The following KLF7 variants were observed in gnomAD, a reference collection of about 807,000 sequenced individuals.
The protein encoded by KLF7 is Krueppel-like factor 7.
In KLF7, 2 loss-of-function variants were observed where a neutral mutation model predicts 27.3. That is an observed-to-expected ratio of 0.07 (90% CI 0.03 to 0.23). The LOEUF (loss-of-function observed/expected upper bound fraction) is 0.23, where lower values mean the gene tolerates loss of function less well. KLF7 is among the 10% of genes least tolerant of loss of function. The pLI is 1.00. For synonymous variants in KLF7, 165 were observed against 162.4 expected (o/e 1.02, Z -0.12); for missense variants, 221 against 394.1 (o/e 0.56, Z 3.72).
At chr2:207,168,661 C>T (rs555235894), upstream of KLF7, among the ~76,000 whole-genome samples, 108 of 152,298 alleles carry the variant, frequency 7.1e-4, no homozygotes, top group African/African-American at 2.5e-3. Context: ...AAGGACTCAA[C>T]CAAAATTTTA....
At chr2:207,123,116 C>T (rs933039928) in intron 2 of KLF7, among the ~76,000 whole-genome samples, 1 of 152,116 alleles carries the variant, frequency 6.6e-6, no homozygotes, top group Non-Finnish European at 1.5e-5. Context: ...AATACACAAT[C>T]CCCATCCCTC....
chr2:207,096,576 C>A (rs1228343507), intron 2 of KLF7, among the ~76,000 whole-genome samples: 3 of 152,180 alleles, frequency 2.0e-5, no homozygotes, highest in Non-Finnish European at 4.4e-5. Flanking sequence ...TACCAAGGCC[C>A]TGGGAGCAGA....
At chr2:207,084,828 G>C (rs1009241216) in intron 3 of KLF7, among the ~76,000 whole-genome samples, 4 of 151,984 alleles carry the variant, frequency 2.6e-5, no homozygotes. Context: ...GTACATAATG[G>C]AGAACTAGTC....
At chr2:207,097,769 G>A (rs1309244461) in intron 2 of KLF7, among the ~76,000 whole-genome samples, 3 of 152,190 alleles carry the variant, frequency 2.0e-5, no homozygotes, top group Non-Finnish European at 2.9e-5. Context: ...TTTTTGTAAT[G>A]TGTAATTTGT....
At chr2:207,091,663 T>C (rs564702849) in intron 2 of KLF7, among the ~76,000 whole-genome samples, 3 of 152,324 alleles carry the variant, frequency 2.0e-5, no homozygotes, top group Non-Finnish European at 2.9e-5. Context: ...AGAAAAAATA[T>C]ATATAAAGAA....
At position 207,079,014 on chromosome 2, in the gene KLF7, GCGTGTGTGTTAA is replaced by G. The variant is rs2076222372; in HGVS notation, c.*2187_*2198del. The G allele has an allele frequency of 6.6e-6, 1 of 151,974 alleles. No individual in the cohort carries two copies. The highest frequency in any genetic ancestry group is 6.6e-5 in the Admixed American group (1 of 15,246). 9.4% of individuals were successfully genotyped at this position (151,974 alleles called of 1,614,324 possible). ...ATGGACAGATTTTGTGTGTGTGTGC[GCGTGTGTGTTAA>G]CGGGTGTTCTTTCTTTTTTTTTCGT... On this transcript the variant is annotated 3_prime_UTR_variant, in exon 4 of 4. Coordinates refer to ENST00000309446, the MANE Select transcript of KLF7 (RefSeq NM_003709.4).
At chr2:207,110,619 G>A in intron 2 of KLF7, among the ~76,000 whole-genome samples, 1 of 152,210 alleles carries the variant, frequency 6.6e-6, no homozygotes. Context: ...TGCAAAAGGG[G>A]AGGGCATGAG....
At chr2:207,137,015 G>A (rs949908414) in intron 1 of KLF7, among the ~76,000 whole-genome samples, 36 of 152,138 alleles carry the variant, frequency 2.4e-4, no homozygotes, top group African/African-American at 8.7e-4. Context: ...TAGACACAAA[G>A]AGGGCTTTTC....
At chr2:207,135,811 T>C (rs2077768666) in intron 1 of KLF7, among the ~76,000 whole-genome samples, 1 of 152,002 alleles carries the variant, frequency 6.6e-6, no homozygotes, top group African/African-American at 2.4e-5. Flanking sequence ...TCTAACGTTT[T>C]TCATTTGGAA....
intron 1 of KLF7, among the ~76,000 whole-genome samples, chr2:207,147,904 C>T (rs976531338): frequency 7.9e-5 from 12 of 152,140 alleles, no homozygotes; most frequent in African/African-American, 2.9e-4. Flanking sequence ...GTTTGATTTT[C>T]TTTAAAAGAC....
chr2:207,108,199 A>T (rs994501873), intron 2 of KLF7, among the ~76,000 whole-genome samples: 2 of 152,212 alleles, frequency 1.3e-5, no homozygotes, highest in East Asian at 3.8e-4. Flanking sequence ...AAAAACAAAA[A>T]TAAAAACAAA....
chr2:207,167,242 C>A (rs2078742520), upstream of KLF7: 8 of 1,070,792 alleles, frequency 7.5e-6, no homozygotes, highest in Admixed American at 3.2e-4. Context: ...AGATCTGTTA[C>A]ATCTGAGATG....
chr2:207,165,672 C>A lies in KLF7; in HGVS notation c.-104G>T. ...GCTCACCCCCCAAGAAGGCAGACAT[C>A]CAGTGGCCCTTTTGTTTTGTTTTGT... is the stretch of plus-strand genomic sequence containing the variant. On this transcript the variant is annotated 5_prime_UTR_variant, in exon 1 of 4. Transcript: ENST00000309446. 1 of 1,559,472 alleles carries A rather than the reference C, an allele frequency of 6.4e-7. No homozygotes were observed. Among genetic ancestry groups the A allele is most frequent in the Non-Finnish European group, 8.7e-7 (1 of 1,155,558 alleles).
chr2:207,102,842 T>C (rs1205720077), intron 2 of KLF7, among the ~76,000 whole-genome samples: 1 of 152,184 alleles, frequency 6.6e-6, no homozygotes, highest in Non-Finnish European at 1.5e-5. Flanking sequence ...GTATTTCCAA[T>C]CTCCTTTGCA....
At chr2:207,153,687 T>C (rs903709248) in intron 1 of KLF7, among the ~76,000 whole-genome samples, 1 of 151,480 alleles carries the variant, frequency 6.6e-6, no homozygotes, top group East Asian at 1.9e-4. Context: ...ATATATCAAG[T>C]AGTGGAAAAT....
intron 2 of KLF7, among the ~76,000 whole-genome samples, chr2:207,112,655 C>G (rs935199866): frequency 6.6e-6 from 1 of 152,228 alleles, no homozygotes; most frequent in African/African-American, 2.4e-5. Flanking sequence ...TTTACATACA[C>G]TTTCTCAACC....
At chr2:207,166,854 A>G (rs752971634), upstream of KLF7, 1 of 1,052,448 alleles carries the variant, frequency 9.5e-7, no homozygotes, top group South Asian at 4.5e-5. Context: ...AGTGCCACAC[A>G]ATGGGAGAGA....
rs1425278449 is a variant in KLF7, at chr2:207,077,635, T to C, written c.*3578A>G. On this transcript the variant is annotated 3_prime_UTR_variant, in exon 4 of 4. Transcript: ENST00000309446. ...GTCATGGAATCTGAACATCTCTTTTTCTGGACATAATACTCATTACCACCA... is the reference window on the plus strand; with the variant it reads ...GTCATGGAATCTGAACATCTCTTTTCCTGGACATAATACTCATTACCACCA... 5 of 152,212 alleles carry C rather than the reference T, an allele frequency of 3.3e-5. No individual in the cohort carries two copies. Among genetic ancestry groups the C allele is most frequent in the Non-Finnish European group, 7.3e-5 (5 of 68,036 alleles). 9.4% of individuals were successfully genotyped at this position (152,212 alleles called of 1,614,324 possible).
At chr2:207,143,867 A>C (rs1205829425) in intron 1 of KLF7, among the ~76,000 whole-genome samples, 2 of 152,204 alleles carry the variant, frequency 1.3e-5, no homozygotes, top group Non-Finnish European at 1.5e-5. Flanking sequence ...GAGTTAGAGG[A>C]GGCACACTTC....
Sources: allele counts gnomAD v4.1 joint callset (sites outside exome capture counted in the v4.1 genomes callset), GRCh38; gene constraint gnomAD v4.1.1; transcripts MANE v1.5; gene names NCBI Gene and HGNC (gene_info 2026-07-23, HGNC 2026-07-21).